The following CCDC150 variants were observed in gnomAD, a reference collection of about 807,000 sequenced individuals.
CCDC150 encodes the protein coiled-coil domain containing 150.
CCDC150 carries 151 observed loss-of-function variants against 156.5 expected under a neutral mutation model. That is an observed-to-expected ratio of 0.97 (90% CI 0.85 to 1.10). The LOEUF (loss-of-function observed/expected upper bound fraction) is 1.10. Ranked by LOEUF, CCDC150 falls within the 50% of genes least tolerant of loss-of-function variation. The probability of loss-of-function intolerance (pLI) is 0.00; values close to 1 mark genes in which losing one functional copy is unlikely to be tolerated. For synonymous variants in CCDC150, 452 were observed against 429.4 expected (o/e 1.05, Z -0.65); for missense variants, 1,312 against 1,268.1 (o/e 1.03, Z -0.53).
At chr2:196,654,621 T>G (rs1693086764) in intron 2 of CCDC150, among the ~76,000 whole-genome samples, 1 of 152,232 alleles carries the variant, frequency 6.6e-6, no homozygotes, top group African/African-American at 2.4e-5. Context: ...TACTCTCTTT[T>G]GTTGAAATTC....
rs1697289314 is a variant in CCDC150 at position 196,713,575 on chromosome 2, T to G, written c.1866+836T>G. The G allele has an allele frequency of 1.9e-6, 3 of 1,548,310 alleles. No homozygotes were observed. In the South Asian group the frequency reaches 3.6e-5, roughly 19 times the overall value. On this transcript the variant is annotated intron_variant, in intron 17 of 27. Coordinates refer to ENST00000389175, the MANE Select transcript of CCDC150 (RefSeq NM_001080539.2). ...ACTCTAGGATCTCTCTAAAGACTCT[T>G]TTGAATGCTATTAAAACCATGGAGG...
intron 8 of CCDC150, among the ~76,000 whole-genome samples, 161 bp from the exon 9 acceptor site, chr2:196,672,184 T>A (rs916605386): frequency 6.6e-6 from 1 of 152,212 alleles, no homozygotes; most frequent in African/African-American, 2.4e-5. Context: ...GAGTTGAAGA[T>A]ACCAAGATTT....
At chr2:196,646,730 A>C (rs1692565662) in intron 2 of CCDC150, among the ~76,000 whole-genome samples, 1 of 152,304 alleles carries the variant, frequency 6.6e-6, no homozygotes. Flanking sequence ...TGTGTTAATT[A>C]GGTATACAAA....
At chr2:196,712,852 A>G (rs1697228547) in intron 17 of CCDC150, 113 bp downstream of exon 17, 2 of 786,098 alleles carry the variant, frequency 2.5e-6, no homozygotes, top group Non-Finnish European at 4.1e-6. Context: ...GCAAGATAAC[A>G]AAAACATTTA....
intron 13 of CCDC150, among the ~76,000 whole-genome samples, chr2:196,692,121 A>ATTTTTT (rs1161513452): frequency 3.2e-5 from 2 of 62,022 alleles, no homozygotes; most frequent in African/African-American, 6.9e-5. Context: ...TTGAGATCTA[A>ATTTTTT]TTTTTTTTTT....
Position 196,712,690 on chromosome 2 carries a change from T to C in CCDC150, c.1817T>C (p.Leu606Pro). The C allele has an allele frequency of 1.2e-6, 2 of 1,610,442 alleles. No individual in the cohort carries two copies. The highest frequency in any genetic ancestry group is 1.7e-6 in the Non-Finnish European group (2 of 1,178,258). Residue 606 changes from leucine to proline, a missense_variant, in exon 17 of 28, where the codon CTC (leucine) becomes CCC (proline). By Grantham distance (98) the Leu-to-Pro change is moderately conservative. Transcript: ENST00000389175. ...TTTGAATTAAAGGCAAACTCAGAACTCAGTGCCAAGAGGGTACACCTGCAG... is the reference window on the plus strand; with the variant it reads ...TTTGAATTAAAGGCAAACTCAGAACCCAGTGCCAAGAGGGTACACCTGCAG... ...QTKYAQANSE[L>P]SAKRVHLQQA...
chr2:196,649,489 G>A (rs1429377064), intron 2 of CCDC150, among the ~76,000 whole-genome samples: 1 of 152,278 alleles, frequency 6.6e-6, no homozygotes, highest in Non-Finnish European at 1.5e-5. Context: ...ATGCAATATG[G>A]TAACATGGTA....
At position 196,725,995 on chromosome 2, in the gene CCDC150, A is replaced by G; in HGVS notation, c.2452A>G (p.Lys818Glu). The change falls in exon 22 of 28, where the codon AAA becomes GAA. Residue 818 changes from lysine (K) to glutamate (E), a missense_variant. Physicochemically the swap from Lys to Glu is moderately conservative, Grantham distance 56 (BLOSUM62 1). Coordinates refer to ENST00000389175, the MANE Select transcript of CCDC150 (RefSeq NM_001080539.2). Reference sequence around the variant, plus strand: ...CAGAGACCGGATGACTGAAGAGTCCAAAGTGGAAGCAGAATTGCATGCTGA... The same window carrying G: ...CAGAGACCGGATGACTGAAGAGTCCGAAGTGGAAGCAGAATTGCATGCTGA... ...TFKDRMTEES[K>E]VEAELHAERI... 2.5e-6 allele frequency: 4 copies of G among 1,601,930 alleles called. No homozygotes were observed. Among genetic ancestry groups the G allele is most frequent in the Non-Finnish European group, 3.4e-6 (4 of 1,173,826 alleles).
Position 196,676,744 on chromosome 2 carries a change from A to G in CCDC150, c.1440+13A>G. On this transcript the variant is annotated intron_variant, in intron 12 of 27. Coordinates refer to ENST00000389175, the MANE Select transcript of CCDC150 (RefSeq NM_001080539.2). ...ATTTCAGAGGGAGGTAGGTAGAAGC[A>G]AATTTACATTATCTTCTCATTGTGG... The G allele has an allele frequency of 6.3e-7, 1 of 1,594,180 alleles. No homozygotes were observed. The highest frequency in any genetic ancestry group is 8.6e-7 in the Non-Finnish European group (1 of 1,164,992).
intron 17 of CCDC150, 118 bp from the exon 18 acceptor site, chr2:196,718,385 T>C: frequency 1.4e-6 from 1 of 719,236 alleles, no homozygotes; most frequent in Non-Finnish European, 2.1e-6. Context: ...AAAGATGGGT[T>C]CTATTTATAG....
intron 9 of CCDC150, 64 bp downstream of exon 9, chr2:196,672,501 G>T: frequency 1.2e-6 from 1 of 834,010 alleles, no homozygotes; most frequent in Non-Finnish European, 1.7e-6. Context: ...AAATAACCAA[G>T]AAACAAAATT....
chr2:196,643,629 T>C (rs1392627325), intron 1 of CCDC150, among the ~76,000 whole-genome samples: 1 of 152,224 alleles, frequency 6.6e-6, no homozygotes, highest in East Asian at 1.9e-4. Flanking sequence ...AGCTTCTCCA[T>C]TTCCATTTTT....
intron 12 of CCDC150, among the ~76,000 whole-genome samples, 196 bp downstream of exon 12, chr2:196,676,927 A>G (rs1261999915): frequency 1.3e-5 from 2 of 152,194 alleles, no homozygotes; most frequent in East Asian, 1.9e-4. Flanking sequence ...AACAGTATAT[A>G]CTTATCCGGC....
chr2:196,680,401 G>T (rs7589871), intron 13 of CCDC150, among the ~76,000 whole-genome samples: 115,086 of 151,948 alleles, frequency 0.76, 43,678 homozygotes, highest in East Asian at 0.82. Flanking sequence ...AGGCTCAGGT[G>T]ATCCTCCCAC....
intron 13 of CCDC150, among the ~76,000 whole-genome samples, chr2:196,688,185 G>T (rs1416218826): frequency 6.6e-6 from 1 of 152,138 alleles, no homozygotes; most frequent in Non-Finnish European, 1.5e-5. Flanking sequence ...TCTGTAAATT[G>T]CTTTGGGCAG....
At chr2:196,652,807 A>G (rs375472325) in intron 2 of CCDC150, among the ~76,000 whole-genome samples, 7 of 152,344 alleles carry the variant, frequency 4.6e-5, no homozygotes, top group Admixed American at 1.3e-4. Context: ...AGGCTTTCTC[A>G]TGCATCCTCT....
At position 196,676,164 on chromosome 2, in the gene CCDC150, C is replaced by T; in HGVS notation, c.1159C>T (p.Gln387Ter). ...ILQVEQKMMT[Q>*]TFQEQNLLLD... ...TCAGGTAGAGCAGAAAATGATGACG[C>T]AGACATTTCAAGAACAAAACTTATT... Residue 387 changes from glutamine to a stop codon, truncating the protein, a stop_gained, in exon 11 of 28, where the codon CAG (glutamine) becomes TAG (stop). Transcript: ENST00000389175. LOFTEE classifies it high-confidence loss of function. The T allele has an allele frequency of 1.2e-6, 2 of 1,613,598 alleles. No individual in the cohort carries two copies. The highest frequency in any genetic ancestry group is 2.2e-5 in the East Asian group (1 of 44,868).
chr2:196,668,879 G>A (rs562185841), intron 7 of CCDC150, among the ~76,000 whole-genome samples: 1 of 152,220 alleles, frequency 6.6e-6, no homozygotes, highest in African/African-American at 2.4e-5. Flanking sequence ...CTGATGAATT[G>A]TGGATTCATG....
At chr2:196,695,230 T>C in intron 14 of CCDC150, 71 bp downstream of exon 14, 4 of 745,816 alleles carry the variant, frequency 5.4e-6, no homozygotes, top group Non-Finnish European at 9.1e-6. Flanking sequence ...CAACCAGAGG[T>C]CAGGAGATGG....
Sources: gnomAD v4.1 joint callset for allele counts (sites outside exome capture counted in the v4.1 genomes callset) on GRCh38, gnomAD v4.1.1 for gene constraint, MANE v1.5 for transcripts, NCBI Gene and HGNC (gene_info 2026-07-23, HGNC 2026-07-21) for gene names.